ZDHHC7: variants seen among roughly 807,000 people sequenced by gnomAD.
ZDHHC7 encodes the protein palmitoyltransferase ZDHHC7.
A neutral mutation model predicts 34.1 loss-of-function variants in ZDHHC7; 12 were observed. The ratio of observed to expected loss-of-function variants is 0.35; its 90% CI spans 0.23 to 0.57. ZDHHC7 has a LOEUF of 0.57. Ranked by LOEUF, ZDHHC7 falls within the 20% of genes least tolerant of loss-of-function variation. ZDHHC7 has a pLI of 0.84. For synonymous variants in ZDHHC7, 185 were observed against 155.4 expected, an observed-to-expected ratio of 1.19 and a Z score of -1.42; for missense variants, 388 against 402.7, an observed-to-expected ratio of 0.96 and a Z score of 0.31.
intron 6 of ZDHHC7, among the ~76,000 whole-genome samples, chr16:84,977,666 C>A (rs1460550831): frequency 6.6e-6 from 1 of 152,216 alleles, no homozygotes; most frequent in Non-Finnish European, 1.5e-5. Flanking sequence ...TAGGGTCGGT[C>A]ACTCACGTAA....
chr16:84,984,500 C>A (rs1222858821), intron 3 of ZDHHC7, among the ~76,000 whole-genome samples: 1 of 152,168 alleles, frequency 6.6e-6, no homozygotes, highest in Non-Finnish European at 1.5e-5. Context: ...CATGCATGCA[C>A]TTTTCCACAG....
chr16:84,999,337 C>T (rs986579883), intron 1 of ZDHHC7, among the ~76,000 whole-genome samples: 1 of 152,116 alleles, frequency 6.6e-6, no homozygotes, highest in African/African-American at 2.4e-5. Flanking sequence ...CAAATACCTA[C>T]CCTGTGACTC....
rs144923587 is a variant in ZDHHC7 at position 84,992,196 on chromosome 16, C to T, written c.-17-1561G>A. On this transcript the variant is annotated intron_variant, in intron 2 of 7. Coordinates refer to ENST00000313732, the MANE Select transcript of ZDHHC7 (RefSeq NM_017740.3). Reference sequence around the variant, plus strand: ...AGAAAAGAAAAAAGTGGGTCAGGTGCGGGTGGCTCATACCTGTAACCCCAG... The same window carrying T: ...AGAAAAGAAAAAAGTGGGTCAGGTGTGGGTGGCTCATACCTGTAACCCCAG... Among the ~76,000 whole-genome samples, 221 of 151,246 alleles carry T rather than the reference C, an allele frequency of 1.5e-3. 1 individual carries two copies. The highest frequency in any genetic ancestry group is 7.1e-3 in the Middle Eastern group (2 of 280).
intron 3 of ZDHHC7, among the ~76,000 whole-genome samples, chr16:84,983,335 G>A (rs969998294): frequency 2.0e-5 from 3 of 152,178 alleles, no homozygotes; most frequent in African/African-American, 7.2e-5. Context: ...TAAAATGCAG[G>A]TGCCTCGCTG....
chr16:84,992,943 C>T (rs1049917025), intron 2 of ZDHHC7, among the ~76,000 whole-genome samples: 2 of 152,130 alleles, frequency 1.3e-5, no homozygotes, highest in Non-Finnish European at 1.5e-5. Flanking sequence ...AATTTCCTCT[C>T]GATGCAAAAA....
At position 84,974,935 on chromosome 16, in the gene ZDHHC7, G is replaced by C. The variant is rs2072275164; in HGVS notation, c.*1408C>G. ...ACAAAAAACAGTTCACAGATGAACAGAAAGGCAAAACAATTCCCAGGAGGG... is the reference window on the plus strand; with the variant it reads ...ACAAAAAACAGTTCACAGATGAACACAAAGGCAAAACAATTCCCAGGAGGG... On this transcript the variant is annotated 3_prime_UTR_variant, in exon 8 of 8. Transcript: ENST00000313732. The C allele has an allele frequency of 6.5e-6, 1 of 152,716 alleles. No individual in the cohort carries two copies. The highest frequency in any genetic ancestry group is 2.4e-5 in the African/African-American group (1 of 41,466). The allele number at this position is 152,716 out of a possible 1,614,324, so 9.5% of individuals were successfully genotyped here.
the ZDHHC7 span, among the ~76,000 whole-genome samples, chr16:85,024,837 G>A: frequency 6.6e-6 from 1 of 152,230 alleles, no homozygotes; most frequent in African/African-American, 2.4e-5. Flanking sequence ...GGTTCCAGGG[G>A]ATGAACACAC....
intron 2 of ZDHHC7, among the ~76,000 whole-genome samples, chr16:84,991,976 G>A (rs1318353752): frequency 6.6e-6 from 1 of 151,774 alleles, no homozygotes; most frequent in African/African-American, 2.4e-5. Context: ...AGGAGTTTGA[G>A]ACCAGCCTGG....
intron 1 of ZDHHC7, among the ~76,000 whole-genome samples, chr16:85,006,520 C>A (rs1317970555): frequency 6.6e-6 from 1 of 151,718 alleles, no homozygotes; most frequent in Non-Finnish European, 1.5e-5. Flanking sequence ...TCAAGACCAG[C>A]CTGAGCAACA....
chr16:85,013,544 A>G (rs2072821452), upstream of ZDHHC7, among the ~76,000 whole-genome samples: 1 of 151,894 alleles, frequency 6.6e-6, no homozygotes, highest in Admixed American at 6.6e-5. Flanking sequence ...CGCCCGGCCA[A>G]AGGTATTATT....
chr16:84,978,733 A>G (rs2072330010), intron 5 of ZDHHC7, among the ~76,000 whole-genome samples: 1 of 151,998 alleles, frequency 6.6e-6, no homozygotes, highest in Non-Finnish European at 1.5e-5. Flanking sequence ...GTGGTGGTAC[A>G]TGCCTGTAAT....
chr16:85,026,573 T>C, the ZDHHC7 span, among the ~76,000 whole-genome samples: 1 of 151,402 alleles, frequency 6.6e-6, no homozygotes, highest in Non-Finnish European at 1.5e-5. Context: ...CCAAGGAGTC[T>C]ACAGTTCAAG....
the ZDHHC7 span, among the ~76,000 whole-genome samples, chr16:85,019,108 C>T: frequency 6.6e-6 from 1 of 152,200 alleles, no homozygotes; most frequent in African/African-American, 2.4e-5. Flanking sequence ...TGCTCATTCT[C>T]TCGTGGCTGT....
chr16:84,995,221 C>A (rs890600891), intron 2 of ZDHHC7, among the ~76,000 whole-genome samples: 2 of 152,220 alleles, frequency 1.3e-5, no homozygotes, highest in Admixed American at 1.3e-4. Context: ...TTTCTCAACA[C>A]TCCCGAACCT....
intron 3 of ZDHHC7, chr16:84,988,634 A>G: frequency 2.6e-6 from 2 of 782,642 alleles, no homozygotes; most frequent in Non-Finnish European, 2.1e-6. Context: ...CAGAAGCTGG[A>G]CTGCTGAGTA....
Position 84,990,294 on chromosome 16 carries a change from C to G in ZDHHC7, c.315+10G>C, listed in dbSNP as rs1453204202. 3.1e-6 allele frequency: 5 copies of G among 1,611,780 alleles called. No homozygotes were observed. The highest frequency in any genetic ancestry group is 3.4e-6 in the Non-Finnish European group (4 of 1,178,306). On this transcript the variant is annotated intron_variant, in intron 3 of 7. Coordinates refer to ENST00000313732, the MANE Select transcript of ZDHHC7 (RefSeq NM_017740.3). ...CAAGAGAGCCACCCAGAGACGCAGC[C>G]AGTACTCACAGGGTCGGTGAGCATG...
rs868119466 is a variant in ZDHHC7, at chr16:84,997,933, A to G, written c.-103-1926T>C. Reference sequence around the variant, plus strand: ...AAAAAAAAAAATAGAAATGTCCCAGAGAGGAGAACTAGAAGACAGAGAGAA... The same window carrying G: ...AAAAAAAAAAATAGAAATGTCCCAGGGAGGAGAACTAGAAGACAGAGAGAA... On this transcript the variant is annotated intron_variant, in intron 1 of 7. Transcript: ENST00000313732. Among the ~76,000 whole-genome samples, 37 of 146,748 alleles carry G rather than the reference A, an allele frequency of 2.5e-4. No homozygotes were observed. In the South Asian group the frequency reaches 7.9e-3, roughly 31 times the overall value.
chr16:84,980,695 A>T (rs937908969), intron 4 of ZDHHC7, among the ~76,000 whole-genome samples: 1 of 152,136 alleles, frequency 6.6e-6, no homozygotes, highest in South Asian at 2.1e-4. Context: ...TTTATATACC[A>T]TAAAAGTTCA....
Position 85,011,436 on chromosome 16 carries a change from C to T in ZDHHC7, c.-254G>A, listed in dbSNP as rs1051634730. On this transcript the variant is annotated 5_prime_UTR_variant, in exon 1 of 8. Coordinates refer to ENST00000313732, the MANE Select transcript of ZDHHC7 (RefSeq NM_017740.3). ...CCCCGCGGCTCGGCTCGGCTTGGTC[C>T]CCTGGGTCCCGCCGGGCAGGTCGGA... 1 of 152,068 alleles carries T rather than the reference C, an allele frequency of 6.6e-6. No homozygotes were observed. Among genetic ancestry groups the T allele is most frequent in the African/African-American group, 2.4e-5 (1 of 41,422 alleles). 9.4% of individuals were successfully genotyped at this position (152,068 alleles called of 1,614,324 possible).
Sources: allele counts gnomAD v4.1 joint callset (sites outside exome capture counted in the v4.1 genomes callset), GRCh38; gene constraint gnomAD v4.1.1; transcripts MANE v1.5; gene names NCBI Gene and HGNC (gene_info 2026-07-23, HGNC 2026-07-21).